The following ARHGAP15 variants were observed in gnomAD, a reference collection of about 807,000 sequenced individuals.
ARHGAP15 encodes rho GTPase-activating protein 15.
Under a neutral mutation model 63.7 loss-of-function variants are expected in ARHGAP15, and 51 were observed. That is an observed-to-expected ratio of 0.80 (90% CI 0.64 to 1.01). The LOEUF is 1.01. ARHGAP15 is among the 50% of genes least tolerant of loss of function. The pLI is 0.00. For synonymous variants in ARHGAP15, 191 were observed against 193.8 expected (o/e 0.99, Z 0.12); for missense variants, 560 against 564.6 (o/e 0.99, Z 0.08).
chr2:143,342,858 T>G (rs1488353242), intron 6 of ARHGAP15, among the ~76,000 whole-genome samples: 4 of 152,010 alleles, frequency 2.6e-5, no homozygotes, highest in Non-Finnish European at 5.9e-5. Context: ...ATTGACAATA[T>G]TAATCACCTC....
intron 9 of ARHGAP15, among the ~76,000 whole-genome samples, chr2:143,504,276 T>C (rs190839248): frequency 8.8e-4 from 134 of 152,346 alleles, no homozygotes; most frequent in Admixed American, 3.1e-3. Context: ...TTATTTATTT[T>C]GAAAACATGT....
chr2:143,307,222 C>A (rs1440815151), intron 6 of ARHGAP15, among the ~76,000 whole-genome samples: 8 of 152,090 alleles, frequency 5.3e-5, no homozygotes, highest in Non-Finnish European at 1.2e-4. Context: ...AAGAAGCAGC[C>A]TTCTGATTAA....
At chr2:143,408,032 T>TATATATATATAC (rs1688286224) in intron 6 of ARHGAP15, among the ~76,000 whole-genome samples, 1 of 126,938 alleles carries the variant, frequency 7.9e-6, no homozygotes, top group African/African-American at 2.9e-5. Flanking sequence ...TATATATATA[T>TATATATATATAC]CCTTTTTCCT....
At chr2:143,686,595 C>CTGT (rs1683362218) in intron 12 of ARHGAP15, among the ~76,000 whole-genome samples, 1 of 151,974 alleles carries the variant, frequency 6.6e-6, no homozygotes, top group Non-Finnish European at 1.5e-5. Flanking sequence ...AATTAAATGA[C>CTGT]TGTTTTTGAA....
At chr2:143,480,124 A>C (rs903631755) in intron 8 of ARHGAP15, among the ~76,000 whole-genome samples, 8 of 152,196 alleles carry the variant, frequency 5.3e-5, no homozygotes, top group Non-Finnish European at 4.4e-5. Flanking sequence ...AGATACACCT[A>C]AGATGTATTA....
intron 11 of ARHGAP15, among the ~76,000 whole-genome samples, chr2:143,606,040 A>T: frequency 2.0e-5 from 1 of 50,060 alleles, no homozygotes; most frequent in Non-Finnish European, 5.1e-5. Context: ...TGTCTCAAAA[A>T]AAAAAAAAAA....
At chr2:143,245,634 A>T (rs1354211143) in intron 5 of ARHGAP15, among the ~76,000 whole-genome samples, 15 of 144,862 alleles carry the variant, frequency 1.0e-4, no homozygotes, top group Admixed American at 4.9e-4. Context: ...TTTTTTTTTT[A>T]AACGGGTAAT....
intron 8 of ARHGAP15, among the ~76,000 whole-genome samples, chr2:143,467,129 C>T (rs1691255422): frequency 6.6e-6 from 1 of 151,618 alleles, no homozygotes; most frequent in African/African-American, 2.4e-5. Context: ...AGTTTTCCTT[C>T]ACATTATAGT....
intron 13 of ARHGAP15, among the ~76,000 whole-genome samples, chr2:143,732,650 G>T (rs568003947): frequency 6.6e-6 from 1 of 151,698 alleles, no homozygotes. Flanking sequence ...AATAATACAG[G>T]TTGTCAGTAT....
intron 10 of ARHGAP15, among the ~76,000 whole-genome samples, chr2:143,532,906 T>G (rs1694580849): frequency 6.6e-6 from 1 of 152,208 alleles, no homozygotes; most frequent in South Asian, 2.1e-4. Context: ...CATTTCTAAT[T>G]AATTCCCCAA....
At chr2:143,629,970 GTATCATTGTA>G (rs1361722291) in intron 12 of ARHGAP15, among the ~76,000 whole-genome samples, 1 of 152,086 alleles carries the variant, frequency 6.6e-6, no homozygotes, top group Admixed American at 6.6e-5. Context: ...TAAATACTTT[GTATCATTGTA>G]TATTGCCTTG....
At position 143,150,044 on chromosome 2, in the gene ARHGAP15, C is replaced by T. The variant is rs375276957; in HGVS notation, c.-14-5433C>T. On this transcript the variant is annotated intron_variant, in intron 1 of 13. Transcript: ENST00000295095. ...TGGGTCTATGGCGAAATCAAGGATG[C>T]TGGGGGGTGTGGGCCCTGAGTGCCA... Among the ~76,000 whole-genome samples the T allele has an allele frequency of 2.0e-5, 3 of 151,862 alleles. No individual in the cohort carries two copies. The East Asian group carries it at 5.8e-4, about 30-fold the overall frequency.
At chr2:143,255,251 A>C (rs887073997) in intron 6 of ARHGAP15, among the ~76,000 whole-genome samples, 1 of 152,110 alleles carries the variant, frequency 6.6e-6, no homozygotes, top group African/African-American at 2.4e-5. Flanking sequence ...ACTAAAGAAG[A>C]GGAAAGTCTG....
chr2:143,602,859 T>G (rs1352668415), intron 11 of ARHGAP15, among the ~76,000 whole-genome samples: 1 of 152,214 alleles, frequency 6.6e-6, no homozygotes, highest in Non-Finnish European at 1.5e-5. Context: ...CCTTGTCATA[T>G]TCCCAGCAAA....
intron 11 of ARHGAP15, 85 bp from the exon 12 acceptor site, chr2:143,624,048 A>C: frequency 6.7e-7 from 1 of 1,503,558 alleles, no homozygotes; most frequent in Non-Finnish European, 9.1e-7. Flanking sequence ...TGCTGATGAT[A>C]GTAGGCAAAC....
intron 13 of ARHGAP15, among the ~76,000 whole-genome samples, chr2:143,745,953 G>A (rs979111318): frequency 6.6e-6 from 1 of 152,132 alleles, no homozygotes; most frequent in African/African-American, 2.4e-5. Context: ...TTGATCTTTC[G>A]TTCCAGTAAT....
intron 1 of ARHGAP15, among the ~76,000 whole-genome samples, chr2:143,131,716 G>A (rs866901838): frequency 1.2e-4 from 18 of 152,154 alleles, no homozygotes; most frequent in African/African-American, 4.3e-4. Context: ...TGACTTCCTA[G>A]CCAGGCCTCC....
intron 1 of ARHGAP15, among the ~76,000 whole-genome samples, chr2:143,142,987 G>A (rs1175163719): frequency 2.0e-5 from 3 of 152,054 alleles, no homozygotes; most frequent in Admixed American, 6.6e-5. Context: ...TTACTTTAAT[G>A]TGTCCAAGCA....
chr2:143,504,216 T>G (rs1438576587), intron 9 of ARHGAP15, among the ~76,000 whole-genome samples: 1 of 152,220 alleles, frequency 6.6e-6, no homozygotes, highest in Non-Finnish European at 1.5e-5. Context: ...GGAGTTTGTA[T>G]TCTACTTTAT....
Sources: gnomAD v4.1 joint callset for allele counts (sites outside exome capture counted in the v4.1 genomes callset) on GRCh38, gnomAD v4.1.1 for gene constraint, MANE v1.5 for transcripts, NCBI Gene and HGNC (gene_info 2026-07-23, HGNC 2026-07-21) for gene names.